OPRM1: variants seen among roughly 807,000 people sequenced by gnomAD.
OPRM1 encodes mu-type opioid receptor.
Under a neutral mutation model 31.8 loss-of-function variants are expected in OPRM1, and 27 were observed. That is an observed-to-expected ratio of 0.85 (90% CI 0.63 to 1.17). OPRM1 has a LOEUF of 1.17. Among genes scored for constraint, OPRM1 ranks in the 50% most tolerant of loss-of-function variants. The pLI, the probability that OPRM1 is intolerant of heterozygous loss-of-function variation, is 0.00. For synonymous variants in OPRM1, 196 were observed against 189.9 expected, an observed-to-expected ratio of 1.03 and a Z score of -0.26; for missense variants, 536 against 511.1, an observed-to-expected ratio of 1.05 and a Z score of -0.47.
At chr6:154,115,554 G>A (rs1796777820) in intron 3 of OPRM1, among the ~76,000 whole-genome samples, 1 of 152,098 alleles carries the variant, frequency 6.6e-6, no homozygotes, top group African/African-American at 2.4e-5. Flanking sequence ...GAAAAAAAGA[G>A]AGAGAGAGAG....
chr6:154,244,773 C>A (rs997910537), intron 3 of OPRM1, among the ~76,000 whole-genome samples: 1 of 152,184 alleles, frequency 6.6e-6, no homozygotes. Flanking sequence ...GGACAGCAGC[C>A]AGAACATATT....
At chr6:154,189,949 A>G (rs1205860357) in intron 3 of OPRM1, among the ~76,000 whole-genome samples, 1 of 152,130 alleles carries the variant, frequency 6.6e-6, no homozygotes, top group African/African-American at 2.4e-5. Flanking sequence ...GTCTCAAAAA[A>G]AAAAGAAACA....
intron 1 of OPRM1, among the ~76,000 whole-genome samples, chr6:154,021,634 G>A (rs992560003): frequency 6.6e-6 from 1 of 152,210 alleles, no homozygotes; most frequent in Admixed American, 6.5e-5. Flanking sequence ...TTCTTCATCA[G>A]AGTTTTATAA....
intron 1 of OPRM1, among the ~76,000 whole-genome samples, chr6:154,013,415 G>A (rs986032613): frequency 1.3e-5 from 2 of 152,158 alleles, no homozygotes; most frequent in African/African-American, 4.8e-5. Flanking sequence ...ATCAATGCAT[G>A]CTGGCAAAAG....
chr6:154,142,660 C>T (rs620880), intron 3 of OPRM1, among the ~76,000 whole-genome samples: 58,160 of 151,960 alleles, frequency 0.38, 11,330 homozygotes, highest in Admixed American at 0.45. Context: ...GTGTACTTTC[C>T]TTTCTTTCAT....
rs114678026 is a variant in OPRM1, at chr6:154,236,479, G to A, written c.1165-10214G>A. On this transcript the variant is annotated intron_variant, in intron 3 of 3. Transcript: ENST00000337049. ...AGTTCTGGAGATGGATGATGCTGAC[G>A]GTTGCACAGTAATAAGAAATTAAGC... Among the ~76,000 whole-genome samples the A allele has an allele frequency of 7.7e-3, 1,166 of 152,172 alleles. 6 individuals carry two copies. Among genetic ancestry groups the A allele is most frequent in the African/African-American group, 0.025 (1,049 of 41,504 alleles).
chr6:154,015,214 A>G (rs1356338486), intron 1 of OPRM1, among the ~76,000 whole-genome samples: 1 of 152,096 alleles, frequency 6.6e-6, no homozygotes, highest in Non-Finnish European at 1.5e-5. Flanking sequence ...AAGCAAACAT[A>G]TGGAGAGAGT....
chr6:154,020,475 A>G (rs1419760235), intron 1 of OPRM1, among the ~76,000 whole-genome samples: 2 of 152,240 alleles, frequency 1.3e-5, no homozygotes, highest in African/African-American at 2.4e-5. Flanking sequence ...CCAAAATCAC[A>G]ATATAATTCT....
At chr6:154,082,952 A>G (rs1789512608) in intron 1 of OPRM1, among the ~76,000 whole-genome samples, 1 of 152,238 alleles carries the variant, frequency 6.6e-6, no homozygotes, top group Admixed American at 6.5e-5. Context: ...TTTCTATAAT[A>G]CATAAATACT....
Position 154,044,139 on chromosome 6 carries a change from T to G in OPRM1, c.290+4305T>G, listed in dbSNP as rs545544423. On this transcript the variant is annotated intron_variant, in intron 1 of 3. Transcript: ENST00000330432. Reference sequence around the variant, plus strand: ...ATAGATAGAGAGAGAGAGAGAGAGATAGACAGACTGAAACAGTTGAAGTCT... The same window carrying G: ...ATAGATAGAGAGAGAGAGAGAGAGAGAGACAGACTGAAACAGTTGAAGTCT... Among the ~76,000 whole-genome samples, 58 of 152,082 alleles carry G rather than the reference T, an allele frequency of 3.8e-4. 1 individual carries two copies. Among genetic ancestry groups the G allele is most frequent in the African/African-American group, 1.0e-3 (43 of 41,526 alleles).
Position 154,131,043 on chromosome 6 carries a change from A to AAAGT in OPRM1, c.*12327_*12330dup, listed in dbSNP as rs1209377857. Among the ~76,000 whole-genome samples the AAAGT allele has an allele frequency of 6.6e-6, 1 of 152,202 alleles. No homozygotes were observed. Among genetic ancestry groups the AAAGT allele is most frequent in the Non-Finnish European group, 1.5e-5 (1 of 68,030 alleles). On this transcript the variant is annotated 3_prime_UTR_variant, in exon 4 of 4. Coordinates refer to ENST00000330432, the MANE Select transcript of OPRM1 (RefSeq NM_000914.5). Reference sequence around the variant, plus strand: ...ACATAGCAAATAGGAAAGTTAAAAAAAAGTAAGTCTAAAGATTAGGTGCTC... The same window carrying AAAGT: ...ACATAGCAAATAGGAAAGTTAAAAAAAAGTAAGTAAGTCTAAAGATTAGGTGCTC...
intron 3 of OPRM1, among the ~76,000 whole-genome samples, chr6:154,116,584 C>CAAAAAAAAAA (rs1293710740): frequency 4.1e-5 from 3 of 72,912 alleles, no homozygotes; most frequent in African/African-American, 4.5e-5. Context: ...GACTCTGCCT[C>CAAAAAAAAAA]AAAAAAAAAA....
rs1426766859 is a variant in OPRM1 at position 154,125,693 on chromosome 6, AC to A, written c.*6973del. ...ACCTAAAAGTTGAAAACAGGCTATCACATCCCATTTGCTTTAAAGTCTCTTA... is the reference window on the plus strand; with the variant it reads ...ACCTAAAAGTTGAAAACAGGCTATCAATCCCATTTGCTTTAAAGTCTCTTA... On this transcript the variant is annotated 3_prime_UTR_variant, in exon 4 of 4. Transcript: ENST00000330432. Among the ~76,000 whole-genome samples the A allele has an allele frequency of 6.6e-6, 1 of 152,146 alleles. No homozygotes were observed. Among genetic ancestry groups the A allele is most frequent in the East Asian group, 1.9e-4 (1 of 5,194 alleles).
chr6:154,192,123 C>A (rs4354165), intron 3 of OPRM1, among the ~76,000 whole-genome samples: 14,404 of 152,246 alleles, frequency 0.095, 1,077 homozygotes, highest in African/African-American at 0.21. Flanking sequence ...TAGGGGTATA[C>A]ACCTGGAAGT....
intron 1 of OPRM1, among the ~76,000 whole-genome samples, chr6:154,041,647 GT>G (rs1780091030): frequency 6.7e-6 from 1 of 149,308 alleles, no homozygotes; most frequent in Admixed American, 6.7e-5. Flanking sequence ...TTTTTTTATT[GT>G]GCTGGCAAAT....
At chr6:154,237,252 A>C (rs1414308808) in intron 3 of OPRM1, among the ~76,000 whole-genome samples, 1 of 152,232 alleles carries the variant, frequency 6.6e-6, no homozygotes, top group Non-Finnish European at 1.5e-5. Context: ...AAATGTGCCC[A>C]CACCCTCACC....
At chr6:154,231,879 A>G (rs1368324983) in intron 3 of OPRM1, among the ~76,000 whole-genome samples, 1 of 152,228 alleles carries the variant, frequency 6.6e-6, no homozygotes, top group Non-Finnish European at 1.5e-5. Context: ...GAAATTAAAA[A>G]CAAATAGAAA....
chr6:154,038,510 C>T (rs1423043657), upstream of OPRM1, among the ~76,000 whole-genome samples: 1 of 152,128 alleles, frequency 6.6e-6, no homozygotes, highest in Non-Finnish European at 1.5e-5. Context: ...CACTAGAAAA[C>T]AGACTGAATG....
At chr6:154,035,843 T>C (rs1408031626), upstream of OPRM1, among the ~76,000 whole-genome samples, 1 of 152,144 alleles carries the variant, frequency 6.6e-6, no homozygotes, top group Non-Finnish European at 1.5e-5. Context: ...AATGTATAGA[T>C]AATAAATTAT....
Sources: gnomAD v4.1 joint callset for allele counts (sites outside exome capture counted in the v4.1 genomes callset) on GRCh38, gnomAD v4.1.1 for gene constraint, MANE v1.5 for transcripts, NCBI Gene and HGNC (gene_info 2026-07-23, HGNC 2026-07-21) for gene names.